The following GPATCH2L variants were observed in gnomAD, a reference collection of about 807,000 sequenced individuals.
The protein encoded by GPATCH2L is G-patch domain containing 2 like, also known as G patch domain-containing protein 2-like.
A neutral mutation model predicts 57.4 loss-of-function variants in GPATCH2L; 31 were observed. The ratio of observed to expected loss-of-function variants is 0.54; its 90% CI spans 0.41 to 0.73. The LOEUF (loss-of-function observed/expected upper bound fraction) is 0.73, where lower values mean the gene tolerates loss of function less well. GPATCH2L is among the 30% of genes least tolerant of loss of function. The pLI is 0.00. For missense variants in GPATCH2L, 481 were observed against 599.9 expected (o/e 0.80, Z 2.07); for synonymous variants, 199 against 210.7 (o/e 0.94, Z 0.48).
chr14:76,200,364 G>A (rs1395350630), intron 9 of GPATCH2L, among the ~76,000 whole-genome samples: 1 of 152,114 alleles, frequency 6.6e-6, no homozygotes, highest in Non-Finnish European at 1.5e-5. Flanking sequence ...TAGCAAAAAA[G>A]TTTTTCTAGG....
intron 7 of GPATCH2L, chr14:76,179,849 T>A (rs1007246866): frequency 1.3e-5 from 2 of 152,100 alleles, no homozygotes; most frequent in Non-Finnish European, 2.9e-5. Context: ...AATTATACTC[T>A]GAAAGCAATA....
At chr14:76,220,892 C>A (rs111583487) in intron 1 of GPATCH2L, among the ~76,000 whole-genome samples, 3,368 of 152,014 alleles carry the variant, frequency 0.022, 76 homozygotes, top group South Asian at 0.077. Flanking sequence ...AACTATATGG[C>A]AATTTTTAAA....
chr14:76,228,176 G>A (rs1040264111), intron 1 of GPATCH2L, among the ~76,000 whole-genome samples: 1 of 152,118 alleles, frequency 6.6e-6, no homozygotes, highest in Non-Finnish European at 1.5e-5. Context: ...GTTTCGCATC[G>A]CCATTTAAAA....
chr14:76,216,783 T>C (rs983881453), downstream of GPATCH2L, among the ~76,000 whole-genome samples: 3 of 152,056 alleles, frequency 2.0e-5, no homozygotes, highest in African/African-American at 7.2e-5. Context: ...CCACTACATA[T>C]TAAAACATAA....
chr14:76,176,972 A>AT (rs201242940), intron 6 of GPATCH2L, among the ~76,000 whole-genome samples: 31,045 of 149,404 alleles, frequency 0.21, 3,501 homozygotes, highest in African/African-American at 0.31. Context: ...CTGTCCCTAA[A>AT]TTTTTTTTTT....
chr14:76,168,084 TCA>T (rs1351974351), intron 3 of GPATCH2L, among the ~76,000 whole-genome samples: 1 of 152,222 alleles, frequency 6.6e-6, no homozygotes, highest in Non-Finnish European at 1.5e-5. Flanking sequence ...TGCTTCAGCT[TCA>T]CACATTCTGG....
chr14:76,177,824 T>C, intron 6 of GPATCH2L, 164 bp from the exon 7 acceptor site: 1 of 915,846 alleles, frequency 1.1e-6, no homozygotes, highest in Non-Finnish European at 1.8e-6. Context: ...TATCTTCTTC[T>C]CCCTTCTGTA....
intron 8 of GPATCH2L, among the ~76,000 whole-genome samples, chr14:76,182,363 G>GAAAAAA (rs3059799): frequency 0.019 from 1,645 of 84,562 alleles, 1 homozygote; most frequent in African/African-American, 0.021. Flanking sequence ...TCTCAGAAAA[G>GAAAAAA]AAAAAAAAAA....
intron 2 of GPATCH2L, among the ~76,000 whole-genome samples, chr14:76,159,813 G>A (rs768091666): frequency 7.9e-5 from 12 of 152,064 alleles, no homozygotes; most frequent in Non-Finnish European, 1.5e-4. Flanking sequence ...GTGTATTCTG[G>A]GAGTTAGAGC....
chr14:76,226,179 A>G (rs1019886644), intron 1 of GPATCH2L, among the ~76,000 whole-genome samples: 1 of 152,238 alleles, frequency 6.6e-6, no homozygotes, highest in Non-Finnish European at 1.5e-5. Flanking sequence ...AGTACTACAT[A>G]TAACAGTGAA....
intron 3 of GPATCH2L, 75 bp downstream of exon 3, chr14:76,166,802 T>A (rs910946860): frequency 6.0e-6 from 6 of 995,846 alleles, no homozygotes; most frequent in Non-Finnish European, 7.9e-6. Context: ...GAGTGACTCA[T>A]GGAGAATATG....
rs181163720 is a variant in GPATCH2L, at chr14:76,184,609, G to A, written c.1193+3760G>A. 2.0e-4 allele frequency among the ~76,000 whole-genome samples: 31 copies of A among 152,256 alleles called. No homozygotes were observed. The Middle Eastern group carries it at 0.014, about 67-fold the overall frequency. ...CATAATATTAAAATAACATTTTATTGATGTAGCGTTATAATACAGCCCAGA... is the reference window on the plus strand; with the variant it reads ...CATAATATTAAAATAACATTTTATTAATGTAGCGTTATAATACAGCCCAGA... On this transcript the variant is annotated intron_variant, in intron 8 of 9. Coordinates refer to ENST00000261530, the MANE Select transcript of GPATCH2L (RefSeq NM_017926.4).
chr14:76,161,645 C>T (rs2038589651), intron 2 of GPATCH2L, among the ~76,000 whole-genome samples: 1 of 152,172 alleles, frequency 6.6e-6, no homozygotes, highest in Admixed American at 6.5e-5. Context: ...TTTGTTGAAA[C>T]TAGAAGCTAC....
At chr14:76,170,540 T>C (rs1198205111) in intron 3 of GPATCH2L, 1 of 152,200 alleles carries the variant, frequency 6.6e-6, no homozygotes, top group African/African-American at 2.4e-5. Context: ...GTATAACTTA[T>C]TGAAAAGCCT....
chr14:76,177,781 CTTCT>C lies in GPATCH2L; in HGVS notation c.1053-204_1053-201del, dbSNP rs2139696987. On this transcript the variant is annotated intron_variant, in intron 6 of 9. Transcript: ENST00000261530. The stretch of plus-strand genomic sequence containing the variant: ...TCTGATTACATCTTTTCTCTATTCC[CTTCT>C]TTGTCTTTACTTAATTATTCCAACA... 4 of 658,526 alleles carry C rather than the reference CTTCT, an allele frequency of 6.1e-6. No homozygotes were observed. The East Asian group carries it at 1.1e-4, about 19-fold the overall frequency. The allele number at this position is 658,526 out of a possible 1,614,324, so 40.8% of individuals were successfully genotyped here. A position where few individuals can be genotyped will look rare whatever the true frequency, so the allele number is the denominator to read the frequency against.
rs1367505750 is a variant in GPATCH2L at position 76,203,936 on chromosome 14, G to A, written c.*2085G>A. 3 of 152,176 alleles carry A rather than the reference G, an allele frequency of 2.0e-5. No homozygotes were observed. Among genetic ancestry groups the A allele is most frequent in the African/African-American group, 7.2e-5 (3 of 41,438 alleles). 9.4% of individuals were successfully genotyped at this position (152,176 alleles called of 1,614,324 possible). A position where few individuals can be genotyped will look rare whatever the true frequency, so the allele number is the denominator to read the frequency against. On this transcript the variant is annotated 3_prime_UTR_variant, in exon 10 of 10. Coordinates refer to ENST00000261530, the MANE Select transcript of GPATCH2L (RefSeq NM_017926.4). ...GGCCTATTAGTGAAAACCTCCAAAG[G>A]TCAGGTGGCCAAGGTGTTCCCACAT...
At chr14:76,184,297 T>C (rs909078048) in intron 8 of GPATCH2L, among the ~76,000 whole-genome samples, 1 of 152,122 alleles carries the variant, frequency 6.6e-6, no homozygotes, top group African/African-American at 2.4e-5. Context: ...TTCACATGCC[T>C]ATAATTACTC....
Position 76,207,640 on chromosome 14 carries a change from T to C in GPATCH2L, c.*5789T>C, listed in dbSNP as rs985699255. The stretch of plus-strand genomic sequence containing the variant: ...GACTGAATCTCAGTACTTCAGAGCA[T>C]GTAAAAATCAATTTTCTGTGATCCC... On this transcript the variant is annotated 3_prime_UTR_variant, in exon 10 of 10. Transcript: ENST00000261530. 4 of 152,188 alleles carry C rather than the reference T, an allele frequency of 2.6e-5. No individual in the cohort carries two copies. Among genetic ancestry groups the C allele is most frequent in the Non-Finnish European group, 5.9e-5 (4 of 68,036 alleles). The allele number at this position is 152,188 out of a possible 1,614,324, so 9.4% of individuals were successfully genotyped here.
chr14:76,183,694 T>C (rs1410007112), intron 8 of GPATCH2L, among the ~76,000 whole-genome samples: 3 of 152,202 alleles, frequency 2.0e-5, no homozygotes, highest in Non-Finnish European at 2.9e-5. Context: ...TACTGAGCTC[T>C]CAGGGCAACT....
Sources: gnomAD v4.1 joint callset for allele counts (sites outside exome capture counted in the v4.1 genomes callset) on GRCh38, gnomAD v4.1.1 for gene constraint, MANE v1.5 for transcripts, NCBI Gene and HGNC (gene_info 2026-07-23, HGNC 2026-07-21) for gene names.